RBMS3: variants seen among roughly 807,000 people sequenced by gnomAD.
The protein encoded by RBMS3 is RNA-binding motif, single-stranded-interacting protein 3.
Under a neutral mutation model 66.8 loss-of-function variants are expected in RBMS3, and 27 were observed. The ratio of observed to expected loss-of-function variants is 0.40; its 90% CI spans 0.30 to 0.56. RBMS3 has a LOEUF of 0.56. RBMS3 is among the 20% of genes least tolerant of loss of function. The pLI is 0.40. For synonymous variants in RBMS3, 188 were observed against 183.0 expected (o/e 1.03, Z -0.22); for missense variants, 513 against 549.5 (o/e 0.93, Z 0.66).
At chr3:29,558,173 G>A (rs1223359849) in intron 3 of RBMS3, among the ~76,000 whole-genome samples, 3 of 151,948 alleles carry the variant, frequency 2.0e-5, no homozygotes, top group Admixed American at 6.6e-5. Context: ...ATCCCATAAC[G>A]GCACATAGAA....
intron 6 of RBMS3, among the ~76,000 whole-genome samples, chr3:29,777,205 G>T (rs1190757483): frequency 6.6e-6 from 1 of 151,568 alleles, no homozygotes; most frequent in Non-Finnish European, 1.5e-5. Context: ...AACTCTCACT[G>T]TACGGCATTA....
intron 3 of RBMS3, among the ~76,000 whole-genome samples, chr3:29,530,929 C>G (rs1439554035): frequency 6.6e-6 from 1 of 151,912 alleles, no homozygotes; most frequent in East Asian, 1.9e-4. Context: ...GGTTTTGTAT[C>G]CATAAACATG....
intron 3 of RBMS3, among the ~76,000 whole-genome samples, chr3:29,528,679 A>G (rs970468536): frequency 1.3e-5 from 2 of 152,160 alleles, no homozygotes; most frequent in Admixed American, 6.5e-5. Flanking sequence ...TTAAAACCTG[A>G]CTTTTGATGG....
At chr3:29,830,159 T>C (rs1454600586) in intron 6 of RBMS3, among the ~76,000 whole-genome samples, 2 of 152,040 alleles carry the variant, frequency 1.3e-5, no homozygotes, top group African/African-American at 2.4e-5. Context: ...TTTTGTCCAC[T>C]TGTGACTTCT....
rs1049673132 is a variant in RBMS3 at position 29,468,451 on chromosome 3, A to G, written c.249-19990A>G. ...TCATGTGGCATTAACCTAATCTGGA[A>G]TAAGTTAAGTAGCTTACCCTAAGTA... On this transcript the variant is annotated intron_variant, in intron 2 of 14. Transcript: ENST00000383767. 3.9e-5 allele frequency among the ~76,000 whole-genome samples: 6 copies of G among 152,148 alleles called. No individual in the cohort carries two copies. In the East Asian group the frequency reaches 1.2e-3, roughly 29 times the overall value.
intron 4 of RBMS3, among the ~76,000 whole-genome samples, chr3:29,661,558 A>AT (rs201398480): frequency 0.035 from 5,343 of 151,906 alleles, 212 homozygotes; most frequent in African/African-American, 0.09. Flanking sequence ...AATATCATTT[A>AT]TTTTTTCCCC....
rs577490426 is a variant in RBMS3, at chr3:29,666,941, A to G, written c.400-72779A>G. 2.0e-4 allele frequency among the ~76,000 whole-genome samples: 30 copies of G among 152,276 alleles called. No homozygotes were observed. The South Asian group carries it at 6.2e-3, about 32-fold the overall frequency. ...AATTTATTAATCTACTATTAAGTTCAAGGATTATCTTGCTACCACCAAATA... is the reference window on the plus strand; with the variant it reads ...AATTTATTAATCTACTATTAAGTTCGAGGATTATCTTGCTACCACCAAATA... On this transcript the variant is annotated intron_variant, in intron 4 of 14. Coordinates refer to ENST00000383767, the MANE Select transcript of RBMS3 (RefSeq NM_001003793.3).
chr3:29,509,209 G>A (rs1020847167), intron 3 of RBMS3, among the ~76,000 whole-genome samples: 1 of 152,014 alleles, frequency 6.6e-6, no homozygotes, highest in Non-Finnish European at 1.5e-5. Context: ...AACCTATGTG[G>A]CCATAGTGAT....
At chr3:29,866,328 T>C (rs2059363783) in intron 6 of RBMS3, among the ~76,000 whole-genome samples, 1 of 152,148 alleles carries the variant, frequency 6.6e-6, no homozygotes, top group Non-Finnish European at 1.5e-5. Flanking sequence ...AAAACTTACC[T>C]GTGGGTGTAA....
chr3:29,701,326 C>T (rs150293048), intron 4 of RBMS3, among the ~76,000 whole-genome samples: 29 of 152,180 alleles, frequency 1.9e-4, no homozygotes, highest in Non-Finnish European at 2.1e-4. Context: ...ATGTTACCTC[C>T]GTAAAAAACA....
intron 4 of RBMS3, among the ~76,000 whole-genome samples, chr3:29,660,354 C>T (rs541770363): frequency 3.3e-4 from 51 of 152,304 alleles, no homozygotes; most frequent in African/African-American, 1.2e-3. Context: ...GTAGCCACAA[C>T]CACCCTTGCA....
intron 4 of RBMS3, among the ~76,000 whole-genome samples, chr3:29,723,076 A>G (rs1310357697): frequency 6.6e-6 from 1 of 152,026 alleles, no homozygotes; most frequent in Non-Finnish European, 1.5e-5. Flanking sequence ...CCCAGGTTCA[A>G]GTGATTCTCC....
intron 3 of RBMS3, among the ~76,000 whole-genome samples, chr3:29,515,033 T>C (rs926496920): frequency 2.6e-5 from 4 of 152,084 alleles, no homozygotes; most frequent in East Asian, 1.9e-4. Context: ...CAGAGCCTGA[T>C]AGAGTCCAGG....
intron 4 of RBMS3, chr3:29,616,600 T>G (rs1352557702): frequency 6.6e-6 from 1 of 152,392 alleles, no homozygotes; most frequent in East Asian, 1.9e-4. Flanking sequence ...TGATTCCTTG[T>G]GCTTCTTTGT....
chr3:29,372,009 A>G (rs1236097335), intron 1 of RBMS3, among the ~76,000 whole-genome samples: 1 of 152,216 alleles, frequency 6.6e-6, no homozygotes, highest in Admixed American at 6.5e-5. Context: ...TTCAAAGATA[A>G]CTTCTAGATC....
chr3:29,462,244 C>T (rs1287463657), intron 2 of RBMS3, among the ~76,000 whole-genome samples: 1 of 152,162 alleles, frequency 6.6e-6, no homozygotes, highest in African/African-American at 2.4e-5. Context: ...TCTCTACAGA[C>T]CCTTTGTCAA....
chr3:29,441,841 C>T (rs571719575), intron 2 of RBMS3, among the ~76,000 whole-genome samples: 10 of 152,242 alleles, frequency 6.6e-5, no homozygotes, highest in African/African-American at 2.4e-4. Flanking sequence ...ATAATTTAAT[C>T]CCCTGTTTTA....
At chr3:29,945,754 C>T (rs1486033121) in intron 12 of RBMS3, among the ~76,000 whole-genome samples, 1 of 151,652 alleles carries the variant, frequency 6.6e-6, no homozygotes, top group Non-Finnish European at 1.5e-5. Context: ...AGTCATAGGT[C>T]AGGCTCTACG....
chr3:29,353,086 A>G (rs933275145), intron 1 of RBMS3, among the ~76,000 whole-genome samples: 1 of 151,908 alleles, frequency 6.6e-6, no homozygotes, highest in Non-Finnish European at 1.5e-5. Flanking sequence ...TTCCTAATAT[A>G]TTTTTAATTT....
Sources: allele counts gnomAD v4.1 joint callset (sites outside exome capture counted in the v4.1 genomes callset), GRCh38; gene constraint gnomAD v4.1.1; transcripts MANE v1.5; gene names NCBI Gene and HGNC (gene_info 2026-07-23, HGNC 2026-07-21).